Variants in VCAM1 observed in about 807,000 individuals in gnomAD.
VCAM1 encodes vascular cell adhesion molecule 1.
In VCAM1, 41 loss-of-function variants were observed where a neutral mutation model predicts 63.8. That is an observed-to-expected ratio of 0.64 (90% CI 0.50 to 0.83). The LOEUF (loss-of-function observed/expected upper bound fraction) is 0.83, where lower values mean the gene tolerates loss of function less well. Ranked by LOEUF, VCAM1 falls within the 40% of genes least tolerant of loss-of-function variation. The pLI is 0.00. For synonymous variants in VCAM1, 338 were observed against 320.7 expected (o/e 1.05, Z -0.58); for missense variants, 798 against 875.5 (o/e 0.91, Z 1.12).
rs1284965990 is a variant in VCAM1 at position 100,724,147 on chromosome 1, A to C, written c.662-477A>C. The stretch of plus-strand genomic sequence containing the variant: ...GTTATATGAAAGAGTGATTTACCTT[A>C]TTCTGTAACAGCACAGGGCTGAATT... On this transcript the variant is annotated intron_variant, in intron 3 of 8. Transcript: ENST00000294728. Among the ~76,000 whole-genome samples, 3 of 152,216 alleles carry C rather than the reference A, an allele frequency of 2.0e-5. No homozygotes were observed. The South Asian group carries it at 6.2e-4, about 32-fold the overall frequency.
intron 4 of VCAM1, 48 bp from the exon 5 acceptor site, chr1:100,729,059 G>T (rs780848864): frequency 1.4e-6 from 2 of 1,472,466 alleles, no homozygotes; most frequent in East Asian, 2.3e-5. Context: ...GATGAAAAAA[G>T]AAAAGAATCT....
chr1:100,719,923 T>C lies in VCAM1; in HGVS notation c.63T>C (p.Ala21=). 1.2e-6 allele frequency: 2 copies of C among 1,609,388 alleles called. No individual in the cohort carries two copies. The highest frequency in any genetic ancestry group is 1.7e-6 in the Non-Finnish European group (2 of 1,176,676). The part of the protein sequence containing the change: ...ASNILWIMFA[A]SQAFKIETTP... Reference sequence around the variant, plus strand: ...ATATACTTTGGATAATGTTTGCAGCTTGTAAGTTATTTCCCTTCATCTGTT... The same window carrying C: ...ATATACTTTGGATAATGTTTGCAGCCTGTAAGTTATTTCCCTTCATCTGTT... Residue 21 remains alanine (A), a splice_region_variant and synonymous_variant, in exon 1 of 9, where the codon GCT becomes GCC. Coordinates refer to ENST00000294728, the MANE Select transcript of VCAM1 (RefSeq NM_001078.4).
intron 2 of VCAM1, 106 bp from the exon 3 acceptor site, chr1:100,722,914 T>C (rs1238852938): frequency 3.2e-6 from 4 of 1,251,046 alleles, no homozygotes; most frequent in Non-Finnish European, 3.2e-6. Flanking sequence ...GTATTAAGAC[T>C]GTATTAACAA....
intron 7 of VCAM1, 135 bp from the exon 8 acceptor site, chr1:100,734,366 AC>A: frequency 1.1e-6 from 1 of 916,672 alleles, no homozygotes; most frequent in Non-Finnish European, 1.6e-6. Flanking sequence ...TGACTTCTTT[AC>A]TTGCCCTTCT....
chr1:100,725,363 A>C (rs1166544801), intron 4 of VCAM1, among the ~76,000 whole-genome samples: 1 of 152,036 alleles, frequency 6.6e-6, no homozygotes, highest in African/African-American at 2.4e-5. Context: ...GCCTTAGTTT[A>C]TCATCTCTCA....
chr1:100,723,389 G>T, intron 3 of VCAM1, 49 bp downstream of exon 3: 1 of 1,568,754 alleles, frequency 6.4e-7, no homozygotes, highest in Non-Finnish European at 8.7e-7. Flanking sequence ...TCCCACCTTG[G>T]TTGTGTATAG....
chr1:100,728,951 A>G (rs1285836330), intron 4 of VCAM1, among the ~76,000 whole-genome samples, 156 bp from the exon 5 acceptor site: 1 of 152,076 alleles, frequency 6.6e-6, no homozygotes, highest in Non-Finnish European at 1.5e-5. Context: ...ATGTGGGCTC[A>G]TTTCTGATGG....
Position 100,729,958 on chromosome 1 carries a change from C to T in VCAM1, c.1204+576C>T, listed in dbSNP as rs3917053. On this transcript the variant is annotated intron_variant, in intron 5 of 8. Coordinates refer to ENST00000294728, the MANE Select transcript of VCAM1 (RefSeq NM_001078.4). ...ATTTATGCCACCTACATATACTACA[C>T]TTTCTCTCACTCTTCTTTTGTCTTA... 7.6e-3 allele frequency among the ~76,000 whole-genome samples: 1,161 copies of T among 152,254 alleles called. 11 individuals carry two copies. Among genetic ancestry groups the T allele is most frequent in the African/African-American group, 0.027 (1,125 of 41,564 alleles).
At chr1:100,732,963 T>C (rs1660517116) in intron 7 of VCAM1, among the ~76,000 whole-genome samples, 1 of 152,156 alleles carries the variant, frequency 6.6e-6, no homozygotes, top group South Asian at 2.1e-4. Context: ...GAGGCAATGG[T>C]TATGGTATTG....
chr1:100,732,359 A>C, intron 6 of VCAM1, 59 bp from the exon 7 acceptor site: 1 of 1,478,074 alleles, frequency 6.8e-7, no homozygotes, highest in Non-Finnish European at 9.0e-7. Flanking sequence ...AACATTATTA[A>C]AACTCTTTGG....
Position 100,731,328 on chromosome 1 carries a change from T to C in VCAM1, c.1335T>C (p.Thr445=). The C allele has an allele frequency of 1.2e-6, 2 of 1,613,868 alleles. No individual in the cohort carries two copies. The highest frequency in any genetic ancestry group is 1.7e-6 in the Non-Finnish European group (2 of 1,179,864). The change falls in exon 6 of 9, where the codon ACT becomes ACC. Residue 445 remains threonine, a synonymous_variant. Coordinates refer to ENST00000294728, the MANE Select transcript of VCAM1 (RefSeq NM_001078.4). The surrounding 1 kb of genome is among the most constrained non-coding windows in gnomAD (Gnocchi z 4.2). ...AGATTGAATTACTTAAGGGGGAGAC[T>C]ATTCTGGAGAATATAGAGTTTTTGG... ...RLEIELLKGE[T]ILENIEFLED... is the part of the protein sequence containing the mutation.
At chr1:100,734,119 G>A (rs1200527993) in intron 7 of VCAM1, among the ~76,000 whole-genome samples, 1 of 152,126 alleles carries the variant, frequency 6.6e-6, no homozygotes, top group Non-Finnish European at 1.5e-5. Flanking sequence ...ACTATCATGA[G>A]AACAGCATGG....
rs1456083889 is a variant in VCAM1 at position 100,738,519 on chromosome 1, G to GTA, written c.*241_*242dup. 1.3e-4 allele frequency: 44 copies of GTA among 328,864 alleles called. No homozygotes were observed. The highest frequency in any genetic ancestry group is 8.0e-4 in the African/African-American group (38 of 47,494). The allele number at this position is 328,864 out of a possible 1,614,324, so 20.4% of individuals were successfully genotyped here. A position where few individuals can be genotyped will look rare whatever the true frequency, so the allele number is the denominator to read the frequency against. ...GAGAACTGGAGGAGTTCCTTGATCTGTATATACAATAACATAATTTGTACA... is the reference window on the plus strand; with the variant it reads ...GAGAACTGGAGGAGTTCCTTGATCTGTATATATACAATAACATAATTTGTACA... On this transcript the variant is annotated 3_prime_UTR_variant, in exon 9 of 9. Coordinates refer to ENST00000294728, the MANE Select transcript of VCAM1 (RefSeq NM_001078.4).
intron 4 of VCAM1, among the ~76,000 whole-genome samples, chr1:100,727,757 T>C (rs1217618792): frequency 6.6e-6 from 1 of 152,096 alleles, no homozygotes. Context: ...ATTCTCACAC[T>C]AGCATATAAA....
intron 3 of VCAM1, among the ~76,000 whole-genome samples, chr1:100,723,976 C>T (rs1006588993): frequency 6.6e-6 from 1 of 151,966 alleles, no homozygotes; most frequent in African/African-American, 2.4e-5. Context: ...GGAGTATTGC[C>T]AACTACGGCA....
At chr1:100,719,990 G>T (rs1659901180) in intron 1 of VCAM1, 66 bp downstream of exon 1, 1 of 1,567,054 alleles carries the variant, frequency 6.4e-7, no homozygotes, top group Non-Finnish European at 8.7e-7. Flanking sequence ...TTTGGCTTCA[G>T]TCAGTTTTGC....
intron 5 of VCAM1, among the ~76,000 whole-genome samples, chr1:100,730,715 C>G (rs1660422599): frequency 6.6e-6 from 1 of 152,070 alleles, no homozygotes; most frequent in Non-Finnish European, 1.5e-5. Flanking sequence ...TGAAGAAAGT[C>G]TCTTAGCCTC....
In VCAM1 at chr1:100,724,787, T is replaced by G; in HGVS notation, c.825T>G (p.Thr275=). Residue 275 remains threonine (T), a synonymous_variant, in exon 4 of 9, where the codon ACT becomes ACG. Coordinates refer to ENST00000294728, the MANE Select transcript of VCAM1 (RefSeq NM_001078.4). ...GNLQHLSGNA[T]LTLIAMRMED... The stretch of plus-strand genomic sequence containing the variant: ...TACAGCACCTTTCTGGAAATGCAAC[T>G]CTCACCTTAATTGCTATGAGGATGG... 6.2e-7 allele frequency: 1 copy of G among 1,613,020 alleles called. No individual in the cohort carries two copies. Among genetic ancestry groups the G allele is most frequent in the Non-Finnish European group, 8.5e-7 (1 of 1,179,436 alleles).
chr1:100,722,905 T>C (rs562720921), intron 2 of VCAM1, 115 bp from the exon 3 acceptor site: 1 of 1,177,502 alleles, frequency 8.5e-7, no homozygotes, highest in Non-Finnish European at 1.2e-6. Flanking sequence ...AGTTCTGTCG[T>C]ATTAAGACTG....
Sources: gnomAD v4.1 joint callset for allele counts (sites outside exome capture counted in the v4.1 genomes callset) on GRCh38, gnomAD v4.1.1 for gene constraint, Gnocchi (gnomAD v3.1) non-coding constraint, MANE v1.5 for transcripts, NCBI Gene and HGNC (gene_info 2026-07-23, HGNC 2026-07-21) for gene names.